Variants in SGSM3 observed in about 807,000 individuals in gnomAD.
SGSM3 encodes the protein small G protein signaling modulator 3.
A neutral mutation model predicts 100.5 loss-of-function variants in SGSM3; 96 were observed. The observed-to-expected ratio is 0.96, with a 90% confidence interval of 0.81 to 1.13. SGSM3 has a LOEUF of 1.13. Ranked by LOEUF, SGSM3 falls within the 50% of genes most tolerant of loss-of-function variation. The probability of loss-of-function intolerance (pLI) is 0.00; values close to 1 mark genes in which losing one functional copy is unlikely to be tolerated. For missense variants in SGSM3, 1,001 were observed against 1,015.8 expected (o/e 0.99, Z 0.20); for synonymous variants, 483 against 422.8 (o/e 1.14, Z -1.75).
chr22:40,409,549 G>GC, intron 21 of SGSM3, 24 bp downstream of exon 21: 1 of 1,612,046 alleles, frequency 6.2e-7, no homozygotes, highest in Non-Finnish European at 8.5e-7. Context: ...GCCTCGTAGG[G>GC]CCTGCACTGA....
chr22:40,389,729 A>AC (rs2049080793), intron 1 of SGSM3, among the ~76,000 whole-genome samples: 1 of 150,570 alleles, frequency 6.6e-6, no homozygotes, highest in African/African-American at 2.4e-5. Flanking sequence ...ACATGGAGAA[A>AC]CCCCGTCTCT....
chr22:40,389,940 A>C (rs1216092786), intron 1 of SGSM3, among the ~76,000 whole-genome samples: 2 of 151,220 alleles, frequency 1.3e-5, no homozygotes, highest in African/African-American at 2.4e-5. Context: ...AAAGAACTGC[A>C]GTGTAGTCAT....
At position 40,398,391 on chromosome 22, in the gene SGSM3, G is replaced by A. The variant is rs151295771; in HGVS notation, c.-111-2305G>A. 2.1e-5 allele frequency among the ~76,000 whole-genome samples: 3 copies of A among 141,496 alleles called. 1 individual carries two copies. In the East Asian group the frequency reaches 6.3e-4, roughly 30 times the overall value. The allele number at this position is 141,496 out of a possible 152,430, so 92.8% of individuals were successfully genotyped here. ...TTTGCTGATGAATGAATGAGTGGGA[G>A]GACAGCCAAGATCAGGAAAGGGGAG... On this transcript the variant is annotated intron_variant, in intron 1 of 21. Transcript: ENST00000248929.
chr22:40,404,059 C>T, intron 4 of SGSM3, 188 bp from the exon 5 acceptor site: 1 of 447,134 alleles, frequency 2.2e-6, no homozygotes. Context: ...CTTTGCTCCT[C>T]ATGGGGTACA....
At chr22:40,382,839 A>G (rs1267242555) in intron 1 of SGSM3, among the ~76,000 whole-genome samples, 2 of 152,222 alleles carry the variant, frequency 1.3e-5, no homozygotes, top group Admixed American at 1.3e-4. Context: ...GGTACCTATT[A>G]TCCTAATTTT....
chr22:40,401,387 ACAGGC>A (rs1457537955), intron 2 of SGSM3, among the ~76,000 whole-genome samples: 1 of 152,130 alleles, frequency 6.6e-6, no homozygotes, highest in Non-Finnish European at 1.5e-5. Flanking sequence ...AGCTGGGATT[ACAGGC>A]ATGTGCCACC....
intron 4 of SGSM3, 28 bp from the exon 5 acceptor site, chr22:40,404,219 T>C (rs2051137117): frequency 6.7e-7 from 1 of 1,500,182 alleles, no homozygotes; most frequent in Non-Finnish European, 8.9e-7. Flanking sequence ...GAATGCTTTT[T>C]CTTTCCTCCT....
chr22:40,394,748 C>T (rs1213716599), intron 1 of SGSM3, among the ~76,000 whole-genome samples: 3 of 152,152 alleles, frequency 2.0e-5, no homozygotes, highest in Non-Finnish European at 2.9e-5. Flanking sequence ...CTACTTTCCC[C>T]CTCATCACTA....
At position 40,409,674 on chromosome 22, in the gene SGSM3, G is replaced by A. The variant is rs374103902; in HGVS notation, c.2173-8G>A. On this transcript the variant is annotated splice_region_variant and splice_polypyrimidine_tract_variant and intron_variant, in intron 21 of 21. Coordinates refer to ENST00000248929, the MANE Select transcript of SGSM3 (RefSeq NM_015705.6). ...GGCCTGTGAGGTGAGGGGCTGCCCT[G>A]TTTGCAGGCGCAGCAGCCCCTGAAG... is the stretch of plus-strand genomic sequence containing the variant. The A allele has an allele frequency of 2.6e-5, 42 of 1,613,136 alleles. No individual in the cohort carries two copies. In the African/African-American group the frequency reaches 4.4e-4, roughly 17 times the overall value.
chr22:40,382,565 A>G (rs2047742403), intron 1 of SGSM3, among the ~76,000 whole-genome samples: 1 of 152,312 alleles, frequency 6.6e-6, no homozygotes, highest in African/African-American at 2.4e-5. Context: ...GAACAAGGTG[A>G]AAATGCATGA....
In SGSM3 at chr22:40,407,508, G is replaced by T; in HGVS notation, c.1464G>T (p.Leu488=). 6.2e-7 allele frequency: 1 copy of T among 1,610,264 alleles called. No homozygotes were observed. ...SRSHRRRAKA[L]LDFERHDDDE... The stretch of plus-strand genomic sequence containing the variant: ...GCCACCGGCGCCGAGCCAAGGCCCT[G>T]CTGGACTTTGAGCGGCACGACGACG... The change falls in exon 13 of 22, where the codon CTG becomes CTT. Residue 488 remains leucine (L), a synonymous_variant. Transcript: ENST00000248929. The surrounding 1 kb of genome is among the most constrained non-coding windows in gnomAD (Gnocchi z 4.7).
intron 1 of SGSM3, among the ~76,000 whole-genome samples, chr22:40,388,961 T>G (rs191207193): frequency 3.9e-4 from 60 of 152,076 alleles, no homozygotes; most frequent in Admixed American, 3.9e-3. Context: ...TCGAAGAATA[T>G]GGAGGAGCTG....
In SGSM3 at chr22:40,410,107, A is replaced by T. The variant is rs1435714809; in HGVS notation, c.*348A>T. On this transcript the variant is annotated 3_prime_UTR_variant, in exon 22 of 22. Transcript: ENST00000248929. ...AAATAAACTGTGTCTGTCTTTGAGA[A>T]AGCACCTACCTGTCTTCTGTGCAGC... The T allele has an allele frequency of 3.5e-6, 4 of 1,131,548 alleles. No homozygotes were observed. The highest frequency in any genetic ancestry group is 1.6e-5 in the African/African-American group (1 of 61,482). The allele number at this position is 1,131,548 out of a possible 1,614,324, so 70.1% of individuals were successfully genotyped here.
Position 40,408,265 on chromosome 22 carries a change from C to T in SGSM3, c.1630-12C>T, listed in dbSNP as rs2051945876. 11 of 1,612,998 alleles carry T rather than the reference C, an allele frequency of 6.8e-6. No individual in the cohort carries two copies. The highest frequency in any genetic ancestry group is 9.3e-6 in the Non-Finnish European group (11 of 1,179,566). On this transcript the variant is annotated splice_polypyrimidine_tract_variant and intron_variant, in intron 15 of 21. Coordinates refer to ENST00000248929, the MANE Select transcript of SGSM3 (RefSeq NM_015705.6). ...TCAGGCAGGGCTTTCTCAGACCCAT[C>T]CCTCCCATCAGTACTCCATCGCGGG...
intron 15 of SGSM3, 52 bp from the exon 16 acceptor site, chr22:40,408,225 G>A: frequency 6.2e-7 from 1 of 1,608,664 alleles, no homozygotes; most frequent in Non-Finnish European, 8.5e-7. Flanking sequence ...AGAGGAGGGT[G>A]ACTGGCTGCA....
chr22:40,392,195 T>A (rs763932140), intron 1 of SGSM3, among the ~76,000 whole-genome samples: 4 of 151,990 alleles, frequency 2.6e-5, no homozygotes, highest in South Asian at 2.1e-4. Context: ...GTTGGAAACC[T>A]GAGTTTCAAA....
intron 1 of SGSM3, among the ~76,000 whole-genome samples, chr22:40,382,496 A>C (rs951746302): frequency 1.3e-5 from 2 of 152,136 alleles, no homozygotes; most frequent in Non-Finnish European, 2.9e-5. Context: ...TGACCTCTCC[A>C]TGTTACCTTA....
At chr22:40,376,897 G>A (rs1438514918) in intron 1 of SGSM3, among the ~76,000 whole-genome samples, 1 of 152,098 alleles carries the variant, frequency 6.6e-6, no homozygotes, top group Non-Finnish European at 1.5e-5. Flanking sequence ...AGTTAGCTTC[G>A]AGTTTACAAA....
chr22:40,407,238 C>T lies in SGSM3; in HGVS notation c.1278C>T (p.Ile426=). Residue 426 remains isoleucine, a synonymous_variant, in exon 12 of 22, where the codon ATC becomes ATT. Coordinates refer to ENST00000248929, the MANE Select transcript of SGSM3 (RefSeq NM_015705.6). The surrounding 1 kb of genome is among the most constrained non-coding windows in gnomAD (Gnocchi z 4.7). ...TGGAGGCACTCAAGGCCAAGAACAT[C>T]AAGCAGACGGAACTGGTGGCTGACC... ...DDLEALKAKN[I]KQTELVADLR... is the part of the protein sequence containing the mutation. 6.2e-7 allele frequency: 1 copy of T among 1,613,696 alleles called. No individual in the cohort carries two copies. The highest frequency in any genetic ancestry group is 8.5e-7 in the Non-Finnish European group (1 of 1,180,032).
Sources: allele counts gnomAD v4.1 joint callset (sites outside exome capture counted in the v4.1 genomes callset), GRCh38; gene constraint gnomAD v4.1.1; non-coding constraint Gnocchi (gnomAD v3.1); transcripts MANE v1.5; gene names NCBI Gene and HGNC (gene_info 2026-07-23, HGNC 2026-07-21).